The following ABLIM1 variants were observed in gnomAD, a reference collection of about 807,000 sequenced individuals.
The protein encoded by ABLIM1 is actin binding LIM protein 1.
A neutral mutation model predicts 107.0 loss-of-function variants in ABLIM1; 40 were observed. That is an observed-to-expected ratio of 0.37 (90% CI 0.29 to 0.49). ABLIM1 has a LOEUF of 0.49. ABLIM1 is among the 20% of genes least tolerant of loss of function. ABLIM1 has a pLI of 0.97. For missense variants in ABLIM1, 857 were observed against 1,008.5 expected (o/e 0.85, Z 2.04); for synonymous variants, 357 against 357.3 (o/e 1.00, Z 0.01).
chr10:114,650,963 T>C (rs1482195400), intron 1 of ABLIM1, among the ~76,000 whole-genome samples: 11 of 152,186 alleles, frequency 7.2e-5, no homozygotes, highest in Admixed American at 7.2e-4. Context: ...ATCCACATTT[T>C]ATATACGAGA....
intron 1 of ABLIM1, among the ~76,000 whole-genome samples, chr10:114,657,087 T>C (rs951019550): frequency 6.6e-6 from 1 of 152,234 alleles, no homozygotes; most frequent in Non-Finnish European, 1.5e-5. Context: ...AATAAAGCTG[T>C]TGAAAGCTGA....
chr10:114,651,947 G>A (rs531309836), intron 1 of ABLIM1, among the ~76,000 whole-genome samples: 228 of 152,258 alleles, frequency 1.5e-3, no homozygotes, highest in African/African-American at 4.9e-3. Context: ...AGCAGATGCC[G>A]GTCACTACTT....
intron 2 of ABLIM1, among the ~76,000 whole-genome samples, chr10:114,596,510 C>T (rs1031661520): frequency 1.3e-5 from 2 of 152,026 alleles, no homozygotes; most frequent in African/African-American, 4.8e-5. Context: ...CACAGCGAGA[C>T]CCCCCATCAC....
intron 1 of ABLIM1, among the ~76,000 whole-genome samples, chr10:114,641,247 T>TAA (rs35168530): frequency 0.17 from 6,327 of 37,090 alleles, 1,062 homozygotes; most frequent in East Asian, 0.46. Context: ...AAGCCAATCA[T>TAA]AAAAAAAAAA....
the ABLIM1 span, among the ~76,000 whole-genome samples, chr10:114,801,363 C>T: frequency 2.6e-5 from 4 of 152,108 alleles, no homozygotes; most frequent in Admixed American, 6.5e-5. Context: ...ATTGAGTACG[C>T]GGAGGAAGAG....
chr10:114,446,922 C>T (rs1052137287), intron 15 of ABLIM1, among the ~76,000 whole-genome samples: 2 of 152,206 alleles, frequency 1.3e-5, no homozygotes, highest in African/African-American at 2.4e-5. Flanking sequence ...GTACACAACA[C>T]TTGTGAATAA....
rs1056519458 is a variant in ABLIM1 at position 114,527,981 on chromosome 10, G to T, written c.894+17024C>A. On this transcript the variant is annotated intron_variant, in intron 6 of 22. Coordinates refer to ENST00000533213, the MANE Select transcript of ABLIM1 (RefSeq NM_002313.7). Reference sequence around the variant, plus strand: ...GCCTCCTGAGTAGCTGGGACTACAGGTATGCACCACCACACCCAGCTAATT... The same window carrying T: ...GCCTCCTGAGTAGCTGGGACTACAGTTATGCACCACCACACCCAGCTAATT... Among the ~76,000 whole-genome samples the T allele has an allele frequency of 2.0e-4, 30 of 152,176 alleles. 1 individual carries two copies. Among genetic ancestry groups the T allele is most frequent in the African/African-American group, 6.7e-4 (28 of 41,508 alleles).
the ABLIM1 span, among the ~76,000 whole-genome samples, chr10:114,792,013 G>A: frequency 1.3e-5 from 2 of 152,142 alleles, no homozygotes; most frequent in Admixed American, 6.5e-5. Flanking sequence ...ATGAGGAAAC[G>A]GAAGCAAATA....
chr10:114,762,831 A>G (rs2142638129), intron 1 of ABLIM1, among the ~76,000 whole-genome samples: 1 of 152,334 alleles, frequency 6.6e-6, no homozygotes, highest in East Asian at 1.9e-4. Context: ...CCTCCAGACC[A>G]GTGCATATGG....
At chr10:114,496,891 A>G (rs1332405358) in intron 6 of ABLIM1, among the ~76,000 whole-genome samples, 4 of 152,142 alleles carry the variant, frequency 2.6e-5, no homozygotes, top group Non-Finnish European at 5.9e-5. Context: ...CCTCCTTCGC[A>G]TGTGTGAGAC....
chr10:114,684,697 T>G lies in ABLIM1; in HGVS notation c.-344A>C, dbSNP rs954413807. 7.4e-6 allele frequency: 8 copies of G among 1,075,068 alleles called. No homozygotes were observed. In the African/African-American group the frequency reaches 1.1e-4, roughly 15 times the overall value. The allele number at this position is 1,075,068 out of a possible 1,614,324, so 66.6% of individuals were successfully genotyped here. On this transcript the variant is annotated 5_prime_UTR_variant, in exon 1 of 24. Coordinates refer to the ABLIM1 transcript ENST00000369256. ...ACACTCGTTTCTGGGAAGCCACTAT[T>G]AGAACACGCCAAGAATGTTCCTAGG...
chr10:114,471,263 C>A (rs2066486575), intron 10 of ABLIM1, among the ~76,000 whole-genome samples: 1 of 152,160 alleles, frequency 6.6e-6, no homozygotes, highest in African/African-American at 2.4e-5. Flanking sequence ...TGTTTTACTG[C>A]CTTGATGGAG....
At chr10:114,782,344 C>A in the ABLIM1 span, among the ~76,000 whole-genome samples, 2 of 151,928 alleles carry the variant, frequency 1.3e-5, no homozygotes, top group Non-Finnish European at 2.9e-5. Flanking sequence ...GAATAAAGAA[C>A]AACAGAAAAG....
intron 1 of ABLIM1, among the ~76,000 whole-genome samples, chr10:114,749,370 T>C (rs808312): frequency 0.11 from 16,751 of 151,998 alleles, 947 homozygotes; most frequent in Middle Eastern, 0.15. Flanking sequence ...ACAGGACACA[T>C]TCTTTGTTTG....
At position 114,569,620 on chromosome 10, in the gene ABLIM1, G is replaced by T. The variant is rs982862114; in HGVS notation, c.673+1677C>A. Among the ~76,000 whole-genome samples, 29 of 152,100 alleles carry T rather than the reference G, an allele frequency of 1.9e-4. 1 individual carries two copies. Among genetic ancestry groups the T allele is most frequent in the Non-Finnish European group, 8.8e-5 (6 of 68,002 alleles). On this transcript the variant is annotated intron_variant, in intron 4 of 22. Coordinates refer to ENST00000533213, the MANE Select transcript of ABLIM1 (RefSeq NM_002313.7). ...GGGCCTCTTTTTCTTAACTGGACAAGAATTCCTTCAAAGTTTTTGGTAATG... is the reference window on the plus strand; with the variant it reads ...GGGCCTCTTTTTCTTAACTGGACAATAATTCCTTCAAAGTTTTTGGTAATG...
intron 13 of ABLIM1, 115 bp from the exon 14 acceptor site, chr10:114,451,786 G>A: frequency 2.3e-6 from 2 of 875,376 alleles, no homozygotes; most frequent in South Asian, 1.7e-5. Context: ...CAACCCAGAA[G>A]GTTAATTTCT....
intron 1 of ABLIM1, among the ~76,000 whole-genome samples, chr10:114,734,421 A>G (rs1002227855): frequency 1.3e-5 from 2 of 152,018 alleles, no homozygotes; most frequent in African/African-American, 4.8e-5. Flanking sequence ...CCTTACTCCA[A>G]TGACACTCTC....
chr10:114,595,654 A>G (rs1036634434), intron 2 of ABLIM1, among the ~76,000 whole-genome samples: 3 of 152,232 alleles, frequency 2.0e-5, no homozygotes, highest in Non-Finnish European at 4.4e-5. Flanking sequence ...AAGAAATACC[A>G]TAAGCTTTTG....
upstream of ABLIM1, among the ~76,000 whole-genome samples, chr10:114,661,111 G>C (rs1329349578): frequency 6.6e-6 from 1 of 151,958 alleles, no homozygotes; most frequent in Non-Finnish European, 1.5e-5. Flanking sequence ...ACTGCGAAAA[G>C]GAAAAGAAAA....
Sources: allele counts gnomAD v4.1 joint callset (sites outside exome capture counted in the v4.1 genomes callset), GRCh38; gene constraint gnomAD v4.1.1; transcripts MANE v1.5; gene names NCBI Gene and HGNC (gene_info 2026-07-23, HGNC 2026-07-21).